Variants in SNX13 observed in about 807,000 individuals in gnomAD.
The protein encoded by SNX13 is sorting nexin-13.
SNX13 carries 45 observed loss-of-function variants against 133.6 expected under a neutral mutation model. That is an observed-to-expected ratio of 0.34 (90% CI 0.27 to 0.43). The LOEUF is 0.43. SNX13 is among the 20% of genes least tolerant of loss of function. SNX13 has a pLI of 1.00. For missense variants in SNX13, 1,032 were observed against 1,145.1 expected, an observed-to-expected ratio of 0.90 and a Z score of 1.43; for synonymous variants, 414 against 373.9, an observed-to-expected ratio of 1.11 and a Z score of -1.24.
intron 1 of SNX13, among the ~76,000 whole-genome samples, chr7:17,912,234 G>T (rs1489205629): frequency 1.3e-5 from 2 of 152,132 alleles, no homozygotes; most frequent in Non-Finnish European, 2.9e-5. Flanking sequence ...GAAAGGGACA[G>T]TCAGTATCCC....
intron 1 of SNX13, among the ~76,000 whole-genome samples, chr7:17,915,807 T>C (rs1799499128): frequency 6.6e-6 from 1 of 152,212 alleles, no homozygotes; most frequent in Non-Finnish European, 1.5e-5. Flanking sequence ...CAATTGGACC[T>C]AAGAGACATC....
chr7:17,900,880 GT>G (rs1797753387), intron 1 of SNX13, among the ~76,000 whole-genome samples: 1 of 151,994 alleles, frequency 6.6e-6, no homozygotes, highest in Non-Finnish European at 1.5e-5. Context: ...AACAGAAGAA[GT>G]CCCCCCGCAT....
intron 18 of SNX13, among the ~76,000 whole-genome samples, chr7:17,820,745 T>A (rs1243294473): frequency 6.6e-6 from 1 of 152,142 alleles, no homozygotes; most frequent in African/African-American, 2.4e-5. Context: ...CCCAATCAGA[T>A]GTCACTTTTA....
chr7:17,851,196 GTAT>G (rs1791163886), intron 9 of SNX13, among the ~76,000 whole-genome samples: 1 of 152,202 alleles, frequency 6.6e-6, no homozygotes, highest in Non-Finnish European at 1.5e-5. Flanking sequence ...CATGCTCACA[GTAT>G]TTGATGATAG....
chr7:17,904,066 C>T (rs1269716671), intron 1 of SNX13, among the ~76,000 whole-genome samples: 1 of 152,146 alleles, frequency 6.6e-6, no homozygotes, highest in African/African-American at 2.4e-5. Context: ...CAAAAAATCA[C>T]ATATGCATCC....
intron 9 of SNX13, among the ~76,000 whole-genome samples, chr7:17,862,210 A>C (rs1260194071): frequency 6.6e-6 from 1 of 152,230 alleles, no homozygotes; most frequent in Non-Finnish European, 1.5e-5. Context: ...GTGAGAGATA[A>C]CCATAACATT....
Position 17,884,601 on chromosome 7 carries a change from G to A in SNX13, c.440+5762C>T, listed in dbSNP as rs529299968. ...TATTGTTAATAGAGTTCCCACTTGTGACTTCCATGTTTTTTCCACACATTT... is the reference window on the plus strand; with the variant it reads ...TATTGTTAATAGAGTTCCCACTTGTAACTTCCATGTTTTTTCCACACATTT... On this transcript the variant is annotated intron_variant, in intron 5 of 25. Coordinates refer to ENST00000428135, the MANE Select transcript of SNX13 (RefSeq NM_015132.5). Among the ~76,000 whole-genome samples the A allele has an allele frequency of 1.2e-4, 18 of 152,202 alleles. 1 individual carries two copies. The South Asian group carries it at 3.7e-3, about 32-fold the overall frequency.
rs1460885767 is a variant in SNX13 at position 17,814,870 on chromosome 7, T to C, written c.2028A>G (p.Lys676=). Residue 676 remains lysine (K), a synonymous_variant, in exon 20 of 26, where the codon AAA becomes AAG. Transcript: ENST00000428135. ...AHYVYDFLEN[K]AYSKGKGDFA... ...AATCCCCTTTTCCTTTACTGTAGGC[T>C]TTGTTCTCAAGGAAATCATACACAT... 1.9e-6 allele frequency: 3 copies of C among 1,558,498 alleles called. No homozygotes were observed. Among genetic ancestry groups the C allele is most frequent in the South Asian group, 1.2e-5 (1 of 80,940 alleles).
intron 9 of SNX13, among the ~76,000 whole-genome samples, chr7:17,860,183 A>C (rs1305728294): frequency 6.6e-6 from 1 of 152,114 alleles, no homozygotes; most frequent in African/African-American, 2.4e-5. Flanking sequence ...AATAGTGACC[A>C]AATGGTTGTA....
Position 17,834,116 on chromosome 7 carries a change from G to T in SNX13, c.1533C>A (p.Arg511=). Residue 511 remains arginine, a synonymous_variant, in exon 15 of 26, where the codon CGC becomes CGA. Coordinates refer to ENST00000428135, the MANE Select transcript of SNX13 (RefSeq NM_015132.5). ...TTAACATGTCAAGCTCAGCTAACAT[G>T]CGCACATAAAGTGCATTCTGTCTGA... ...PSFRQNALYV[R]MLAELDMLKD... is the part of the protein sequence containing the mutation. 6.3e-7 allele frequency: 1 copy of T among 1,592,894 alleles called. No homozygotes were observed. Among genetic ancestry groups the T allele is most frequent in the Non-Finnish European group, 8.6e-7 (1 of 1,166,816 alleles).
chr7:17,803,373 A>G lies in SNX13; in HGVS notation c.2226+46T>C, dbSNP rs769901067. 3 of 1,523,774 alleles carry G rather than the reference A, an allele frequency of 2.0e-6. No individual in the cohort carries two copies. The East Asian group carries it at 6.9e-5, about 35-fold the overall frequency. The allele number at this position is 1,523,774 out of a possible 1,614,324, so 94.4% of individuals were successfully genotyped here. A position where few individuals can be genotyped will look rare whatever the true frequency, so the allele number is the denominator to read the frequency against. ...AACCAGAATTCAATACATCTTATTGACTTAAAAATAGTTTGCTTTAGACAT... is the reference window on the plus strand; with the variant it reads ...AACCAGAATTCAATACATCTTATTGGCTTAAAAATAGTTTGCTTTAGACAT... On this transcript the variant is annotated intron_variant, in intron 21 of 25. Transcript: ENST00000428135.
rs971647602 is a variant in SNX13 at position 17,792,637 on chromosome 7, C to T, written c.*1408G>A. ...CTTTCTTTTAATACCAGGATCTTGG[C>T]TCAGTGGTCTGATAAGTAGCTTCAT... On this transcript the variant is annotated 3_prime_UTR_variant, in exon 26 of 26. Coordinates refer to ENST00000428135, the MANE Select transcript of SNX13 (RefSeq NM_015132.5). 4 of 152,274 alleles carry T rather than the reference C, an allele frequency of 2.6e-5. No individual in the cohort carries two copies. The highest frequency in any genetic ancestry group is 6.6e-5 in the Admixed American group (1 of 15,204). The allele number at this position is 152,274 out of a possible 1,614,324, so 9.4% of individuals were successfully genotyped here.
At chr7:17,848,500 C>T (rs918917670) in intron 11 of SNX13, among the ~76,000 whole-genome samples, 10 of 152,174 alleles carry the variant, frequency 6.6e-5, no homozygotes, top group Admixed American at 5.9e-4. Flanking sequence ...CTTAAGCCAT[C>T]CACAGACAGC....
chr7:17,912,006 T>C (rs1799034751), intron 1 of SNX13, among the ~76,000 whole-genome samples: 2 of 152,162 alleles, frequency 1.3e-5, no homozygotes, highest in African/African-American at 2.4e-5. Context: ...CAGGCAGATT[T>C]TTTTCCCAAG....
In SNX13 at chr7:17,873,555, C is replaced by G; in HGVS notation, c.726G>C (p.Gln242His). The G allele has an allele frequency of 1.3e-6, 2 of 1,585,954 alleles. No individual in the cohort carries two copies. The highest frequency in any genetic ancestry group is 1.8e-5 in the Admixed American group (1 of 55,856). Reference sequence around the variant, plus strand: ...TGACAAAGTATCGCATGATCTTGTTCTGGAAATCTCCAGGAGGTAGCAATA... The same window carrying G: ...TGACAAAGTATCGCATGATCTTGTTGTGGAAATCTCCAGGAGGTAGCAATA... ...LYLLLPPGDFQNKIMRYFVRE... is the reference protein window; with the variant it reads ...LYLLLPPGDFHNKIMRYFVRE... Residue 242 changes from glutamine (Q) to histidine (H), a missense_variant, in exon 8 of 26, where the codon CAG (glutamine) becomes CAC (histidine). Transcript: ENST00000428135.
chr7:17,903,437 C>A (rs1008639226), intron 1 of SNX13, among the ~76,000 whole-genome samples: 1 of 152,148 alleles, frequency 6.6e-6, no homozygotes, highest in Non-Finnish European at 1.5e-5. Flanking sequence ...CAGTAGAAGG[C>A]AGCAGCATAG....
chr7:17,860,113 C>T (rs2128336834), intron 9 of SNX13, among the ~76,000 whole-genome samples: 1 of 152,126 alleles, frequency 6.6e-6, no homozygotes, highest in South Asian at 2.1e-4. Flanking sequence ...CGATAGTGCA[C>T]AAGAGTTTAA....
intron 5 of SNX13, chr7:17,883,082 T>C (rs1029551228): frequency 1.1e-5 from 3 of 264,142 alleles, no homozygotes; most frequent in Admixed American, 5.4e-5. Flanking sequence ...GAAACGAACT[T>C]AGGCATGCAG....
chr7:17,816,415 A>G, intron 18 of SNX13, 126 bp from the exon 19 acceptor site: 20 of 1,164,266 alleles, frequency 1.7e-5, no homozygotes, highest in Non-Finnish European at 2.3e-5. Context: ...TAATCCCAGC[A>G]CTTTGGGAGG....
Sources: gnomAD v4.1 joint callset for allele counts (sites outside exome capture counted in the v4.1 genomes callset) on GRCh38, gnomAD v4.1.1 for gene constraint, MANE v1.5 for transcripts, NCBI Gene and HGNC (gene_info 2026-07-23, HGNC 2026-07-21) for gene names.